The following WDR97 variants were observed in gnomAD, a reference collection of about 807,000 sequenced individuals.
The protein encoded by WDR97 is WD repeat-containing protein 97.
In WDR97, 111 loss-of-function variants were observed where a neutral mutation model predicts 65.4. The observed-to-expected ratio is 1.70, with a 90% CI of 1.45 to 1.99. WDR97 has a LOEUF of 1.99. WDR97 is among the 30% of genes most tolerant of loss of function. The pLI is 0.00. For missense variants in WDR97, 1,674 were observed against 865.0 expected, an observed-to-expected ratio of 1.94 and a Z score of -11.73; for synonymous variants, 802 against 397.7, an observed-to-expected ratio of 2.02 and a Z score of -12.10.
Position 144,113,648 on chromosome 8 carries a change from C to A in WDR97, c.3184-9C>A. ...AACCCATCAGGCACCATCTCTTGCC[C>A]CTCTGCAGCCAGGGGCAAGCCAGGA... On this transcript the variant is annotated splice_polypyrimidine_tract_variant and intron_variant, in intron 16 of 23. Coordinates refer to ENST00000323662, the MANE Select transcript of WDR97 (RefSeq NM_001316309.2). 1 of 653,060 alleles carries A rather than the reference C, an allele frequency of 1.5e-6. No homozygotes were observed. The highest frequency in any genetic ancestry group is 2.8e-6 in the Non-Finnish European group (1 of 356,592). The allele number at this position is 653,060 out of a possible 1,614,324, so 40.5% of individuals were successfully genotyped here.
At chr8:144,112,200 C>T (rs775548356) in intron 13 of WDR97, 24 bp from the exon 14 acceptor site, 66 of 701,948 alleles carry the variant, frequency 9.4e-5, no homozygotes, top group Non-Finnish European at 1.6e-4. Context: ...CCTCTGCCAC[C>T]CTGTGACTCC....
chr8:144,112,160 C>T lies in WDR97; in HGVS notation c.2895+16C>T, dbSNP rs900649837. The T allele has an allele frequency of 1.4e-6, 1 of 701,222 alleles. No individual in the cohort carries two copies. The allele number at this position is 701,222 out of a possible 1,614,324, so 43.4% of individuals were successfully genotyped here. On this transcript the variant is annotated intron_variant, in intron 13 of 23. Coordinates refer to ENST00000323662, the MANE Select transcript of WDR97 (RefSeq NM_001316309.2). ...GGCATCCCAGGTGAGGCTTCCCACCCTCCCACATGCCTGCTGGGCCCCCAT... is the reference window on the plus strand; with the variant it reads ...GGCATCCCAGGTGAGGCTTCCCACCTTCCCACATGCCTGCTGGGCCCCCAT...
At position 144,110,359 on chromosome 8, in the gene WDR97, AG is replaced by A. The variant is rs755389178; in HGVS notation, c.1863del (p.Met622CysfsTer12). 1.4e-6 allele frequency: 1 copy of A among 702,786 alleles called. No individual in the cohort carries two copies. The highest frequency in any genetic ancestry group is 2.6e-6 in the Non-Finnish European group (1 of 384,970). The allele number at this position is 702,786 out of a possible 1,614,324, so 43.5% of individuals were successfully genotyped here. On this transcript the variant is annotated frameshift_variant, in exon 7 of 24. Coordinates refer to ENST00000323662, the MANE Select transcript of WDR97 (RefSeq NM_001316309.2). LOFTEE classifies it high-confidence loss of function. ...IVSSGGDLTV[K>X]MWRVFPYAEE... is the part of the protein sequence containing the mutation. ...CCCACAGGTGGGGACCTGACGGTGA[AG>A]ATGTGGCGCGTCTTCCCCTATGCCG...
rs1475065181 is a variant in WDR97, at chr8:144,108,315, G to A, written c.250-1G>A. The A allele has an allele frequency of 8.7e-6, 6 of 692,938 alleles. No homozygotes were observed. The highest frequency in any genetic ancestry group is 2.2e-5 in the Admixed American group (1 of 46,406). The allele number at this position is 692,938 out of a possible 1,614,324, so 42.9% of individuals were successfully genotyped here. ...GCGGGCCCGCCCACCCCGGCCCACA[G>A]GAGAAGAGAGCCGAGCTGCGCGCGG... On this transcript the variant is annotated splice_acceptor_variant, in intron 2 of 23. Transcript: ENST00000323662. LOFTEE classifies it high-confidence loss of function.
Position 144,108,142 on chromosome 8 carries a change from G to C in WDR97, c.196G>C (p.Ala66Pro), listed in dbSNP as rs925544281. The C allele has an allele frequency of 2.1e-5, 15 of 702,270 alleles. No individual in the cohort carries two copies. In the African/African-American group the frequency reaches 2.4e-4, roughly 11 times the overall value. 43.5% of individuals were successfully genotyped at this position (702,270 alleles called of 1,614,324 possible). ...GCAAAGCCTGACCCCGCGCGCCCGCGCCCGCCGGCTGTGGCTGCTTCTGCG... is the reference window on the plus strand; with the variant it reads ...GCAAAGCCTGACCCCGCGCGCCCGCCCCCGCCGGCTGTGGCTGCTTCTGCG... Reference protein sequence around the residue: ...QWQSLTPRARARRLWLLLRTS... With the variant: ...QWQSLTPRARPRRLWLLLRTS... Residue 66 changes from alanine (A) to proline (P), a missense_variant, in exon 2 of 24, where the codon GCC becomes CCC. Ala to Pro is a conservative substitution (Grantham distance 27). Transcript: ENST00000323662.
chr8:144,112,951 C>T (rs772291478), intron 15 of WDR97: 21 of 294,524 alleles, frequency 7.1e-5, no homozygotes, highest in South Asian at 5.6e-5. Flanking sequence ...CCCACCCTCA[C>T]GTACACCAGG....
Position 144,115,397 on chromosome 8 carries a change from A to G in WDR97, c.4134A>G (p.Ile1378Met), listed in dbSNP as rs1428907269. The change falls in exon 22 of 24, where the codon ATA (isoleucine) becomes ATG (methionine). Residue 1378 changes from isoleucine to methionine, a missense_variant. Transcript: ENST00000323662. Reference sequence around the variant, plus strand: ...GGGCACCCACACGCGCCTCCGTGATACCCTCGGGCACCTCCTGGTCGGCCT... The same window carrying G: ...GGGCACCCACACGCGCCTCCGTGATGCCCTCGGGCACCTCCTGGTCGGCCT... ...VSGAPTRASV[I>M]PSGTSWSASG... The G allele has an allele frequency of 1.6e-6, 1 of 640,174 alleles. No individual in the cohort carries two copies. Among genetic ancestry groups the G allele is most frequent in the South Asian group, 1.7e-5 (1 of 58,924 alleles). The allele number at this position is 640,174 out of a possible 1,614,324, so 39.7% of individuals were successfully genotyped here.
Position 144,107,824 on chromosome 8 carries a change from A to T in WDR97, c.74A>T (p.Tyr25Phe). The change falls in exon 1 of 24, where the codon TAT (tyrosine) becomes TTT (phenylalanine). Residue 25 changes from tyrosine to phenylalanine, a missense_variant. Coordinates refer to ENST00000323662, the MANE Select transcript of WDR97 (RefSeq NM_001316309.2). ...LDSDLYDADG[Y>F]DVPDPGLLTE... Reference sequence around the variant, plus strand: ...TCGGACCTGTATGATGCGGATGGCTATGATGTCCCAGACCCTGGGCTGCTC... The same window carrying T: ...TCGGACCTGTATGATGCGGATGGCTTTGATGTCCCAGACCCTGGGCTGCTC... The T allele has an allele frequency of 1.4e-6, 1 of 702,830 alleles. No homozygotes were observed. The allele number at this position is 702,830 out of a possible 1,614,324, so 43.5% of individuals were successfully genotyped here. A position where few individuals can be genotyped will look rare whatever the true frequency, so the allele number is the denominator to read the frequency against.
In WDR97 at chr8:144,112,237, C is replaced by T. The variant is rs960657698; in HGVS notation, c.2909C>T (p.Ser970Phe). ...HSKASQLLAR[S>F]SLSHYLGISL... ...CCTATGCCCCAGCTTCTGGCCCGCT[C>T]CTCACTGAGCCACTACCTGGGCATC... The change falls in exon 14 of 24, where the codon TCC becomes TTC. Residue 970 changes from serine (S) to phenylalanine (F), a missense_variant. Physicochemically the swap from Ser to Phe is radical, Grantham distance 155 (BLOSUM62 -2). Coordinates refer to ENST00000323662, the MANE Select transcript of WDR97 (RefSeq NM_001316309.2). 8.5e-6 allele frequency: 6 copies of T among 702,728 alleles called. No homozygotes were observed. Among genetic ancestry groups the T allele is most frequent in the East Asian group, 2.7e-5 (1 of 37,284 alleles). 43.5% of individuals were successfully genotyped at this position (702,728 alleles called of 1,614,324 possible). A position where few individuals can be genotyped will look rare whatever the true frequency, so the allele number is the denominator to read the frequency against.
Position 144,115,636 on chromosome 8 carries a change from C to T in WDR97, c.4373C>T (p.Pro1458Leu), listed in dbSNP as rs947263132. ...EPEARLHPAG[P>L]AQLPGEPPPL... ...GAGGCCCGCCTGCACCCTGCCGGGCCTGCTCAGCTGCCCGGAGAGCCGCCG... is the reference window on the plus strand; with the variant it reads ...GAGGCCCGCCTGCACCCTGCCGGGCTTGCTCAGCTGCCCGGAGAGCCGCCG... The change falls in exon 22 of 24, where the codon CCT (proline) becomes CTT (leucine). Residue 1458 changes from proline to leucine, a missense_variant. By Grantham distance (98) the Pro-to-Leu change is moderately conservative. Coordinates refer to ENST00000323662, the MANE Select transcript of WDR97 (RefSeq NM_001316309.2). The T allele has an allele frequency of 2.9e-6, 2 of 691,060 alleles. No individual in the cohort carries two copies. Among genetic ancestry groups the T allele is most frequent in the Non-Finnish European group, 5.3e-6 (2 of 378,716 alleles). 42.8% of individuals were successfully genotyped at this position (691,060 alleles called of 1,614,324 possible).
rs925267033 is a variant in WDR97 at position 144,112,102 on chromosome 8, G to A, written c.2853G>A (p.Pro951=). The A allele has an allele frequency of 1.8e-5, 13 of 702,822 alleles. No individual in the cohort carries two copies. Among genetic ancestry groups the A allele is most frequent in the African/African-American group, 1.2e-4 (7 of 57,334 alleles). 43.5% of individuals were successfully genotyped at this position (702,822 alleles called of 1,614,324 possible). Residue 951 remains proline (P), a synonymous_variant, in exon 13 of 24, where the codon CCG becomes CCA. Coordinates refer to ENST00000323662, the MANE Select transcript of WDR97 (RefSeq NM_001316309.2). ...HFSQSPRVTV[P]IPPTHRRVHS... The stretch of plus-strand genomic sequence containing the variant: ...CCCAGTCTCCCCGAGTCACAGTGCC[G>A]ATCCCACCCACCCACCGTAGGGTGC...
Position 144,108,383 on chromosome 8 carries a change from TG to T in WDR97, c.319del (p.Ala107GlnfsTer48). 1 of 696,434 alleles carries T rather than the reference TG, an allele frequency of 1.4e-6. No individual in the cohort carries two copies. The highest frequency in any genetic ancestry group is 2.6e-6 in the Non-Finnish European group (1 of 382,814). 43.1% of individuals were successfully genotyped at this position (696,434 alleles called of 1,614,324 possible). On this transcript the variant is annotated frameshift_variant, in exon 3 of 24. Coordinates refer to ENST00000323662, the MANE Select transcript of WDR97 (RefSeq NM_001316309.2). LOFTEE classifies it high-confidence loss of function. ...HGLEPLRRLE[V>X]AAGLRSVAQD... ...CTGGAACCACTGCGCCGCCTGGAGG[TG>T]GCAGCCGGGCTGCGCTCGGTGGCGC...
chr8:144,113,760 A>AG lies in WDR97; in HGVS notation c.3292dup (p.Glu1098GlyfsTer73). On this transcript the variant is annotated frameshift_variant, in exon 17 of 24. Transcript: ENST00000323662. LOFTEE classifies it high-confidence loss of function. ...TGGATGGGGGAGAAGCCTGGGGAGG[A>AG]GGGGGAGGAAGACAAGAAGGAAGAG... 1.4e-6 allele frequency: 1 copy of AG among 702,008 alleles called. No homozygotes were observed. The highest frequency in any genetic ancestry group is 2.6e-6 in the Non-Finnish European group (1 of 384,472). The allele number at this position is 702,008 out of a possible 1,614,324, so 43.5% of individuals were successfully genotyped here.
chr8:144,116,163 C>T lies in WDR97; in HGVS notation c.4739C>T (p.Pro1580Leu). The change falls in exon 24 of 24, where the codon CCG (proline) becomes CTG (leucine). Residue 1580 changes from proline to leucine, a missense_variant. Coordinates refer to ENST00000323662, the MANE Select transcript of WDR97 (RefSeq NM_001316309.2). The part of the protein sequence containing the change: ...GPIRTLKLPL[P>L]RVEPQPFPLD... ...ATCCGGACGCTGAAGCTGCCGTTGCCGCGTGTGGAGCCGCAGCCTTTCCCC... is the reference window on the plus strand; with the variant it reads ...ATCCGGACGCTGAAGCTGCCGTTGCTGCGTGTGGAGCCGCAGCCTTTCCCC... 2.9e-6 allele frequency: 2 copies of T among 700,500 alleles called. No individual in the cohort carries two copies. Among genetic ancestry groups the T allele is most frequent in the South Asian group, 3.0e-5 (2 of 67,384 alleles). The allele number at this position is 700,500 out of a possible 1,614,324, so 43.4% of individuals were successfully genotyped here.
chr8:144,111,574 C>A (rs566502570), intron 11 of WDR97, 58 bp from the exon 12 acceptor site: 2 of 681,434 alleles, frequency 2.9e-6, no homozygotes, highest in South Asian at 1.6e-5. Flanking sequence ...CATGGTTGCC[C>A]GGGCAGCACA....
Position 144,108,133 on chromosome 8 carries a change from C to T in WDR97, c.187C>T (p.Arg63Cys), listed in dbSNP as rs958670097. 1.4e-5 allele frequency: 10 copies of T among 702,132 alleles called. No individual in the cohort carries two copies. Among genetic ancestry groups the T allele is most frequent in the African/African-American group, 1.4e-4 (8 of 57,058 alleles). 43.5% of individuals were successfully genotyped at this position (702,132 alleles called of 1,614,324 possible). ...CCAACAGTGGCAAAGCCTGACCCCG[C>T]GCGCCCGCGCCCGCCGGCTGTGGCT... is the stretch of plus-strand genomic sequence containing the variant. Reference protein sequence around the residue: ...SSQQWQSLTPRARARRLWLLL... With the variant: ...SSQQWQSLTPCARARRLWLLL... Residue 63 changes from arginine to cysteine, a missense_variant, in exon 2 of 24, where the codon CGC (arginine) becomes TGC (cysteine). Physicochemically the swap from Arg to Cys is radical, Grantham distance 180. Transcript: ENST00000323662.
Position 144,111,957 on chromosome 8 carries a change from A to G in WDR97, c.2708A>G (p.Asp903Gly), listed in dbSNP as rs1228564018. ...CTCAGAGTGGAGAGAGAGACCCGGG[A>G]TGTGTGTGCTGTACCCCAAGCTGCC... is the stretch of plus-strand genomic sequence containing the variant. ...GTLRVERETR[D>G]VCAVPQAAHC... Residue 903 changes from aspartate (D) to glycine (G), a missense_variant, in exon 13 of 24, where the codon GAT (aspartate) becomes GGT (glycine). Transcript: ENST00000323662. 2.8e-6 allele frequency: 2 copies of G among 702,138 alleles called. No individual in the cohort carries two copies. The highest frequency in any genetic ancestry group is 2.0e-5 in the Admixed American group (1 of 49,968). 43.5% of individuals were successfully genotyped at this position (702,138 alleles called of 1,614,324 possible).
chr8:144,116,026 AG>A lies in WDR97; in HGVS notation c.4666+17del. 1 of 699,744 alleles carries A rather than the reference AG, an allele frequency of 1.4e-6. No individual in the cohort carries two copies. Among genetic ancestry groups the A allele is most frequent in the Non-Finnish European group, 2.6e-6 (1 of 384,316 alleles). The allele number at this position is 699,744 out of a possible 1,614,324, so 43.3% of individuals were successfully genotyped here. A position where few individuals can be genotyped will look rare whatever the true frequency, so the allele number is the denominator to read the frequency against. On this transcript the variant is annotated intron_variant, in intron 23 of 23. Transcript: ENST00000323662. ...ATGAGACTGAGGGGTGAGTGGAGCC[AG>A]GGGTGGAGACTGGACCCCACCCACC... is the stretch of plus-strand genomic sequence containing the variant.
intron 12 of WDR97, 47 bp from the exon 13 acceptor site, chr8:144,111,840 C>T (rs1293904635): frequency 2.9e-6 from 2 of 699,188 alleles, no homozygotes; most frequent in African/African-American, 1.8e-5. Flanking sequence ...TCCACCCACC[C>T]CTCCCACCTG....
Sources: allele counts gnomAD v4.1 joint callset, GRCh38; gene constraint gnomAD v4.1.1; transcripts MANE v1.5; gene names NCBI Gene and HGNC (gene_info 2026-07-23, HGNC 2026-07-21).